NTN1: variants seen among roughly 807,000 people sequenced by gnomAD.
The protein encoded by NTN1 is netrin-1.
In NTN1, 11 loss-of-function variants were observed where a neutral mutation model predicts 54.2. The observed-to-expected ratio is 0.20, with a 90% confidence interval of 0.13 to 0.34. NTN1 has a LOEUF of 0.34. Ranked by LOEUF, NTN1 falls within the 10% of genes least tolerant of loss-of-function variation. The probability of loss-of-function intolerance (pLI) is 1.00; values close to 1 mark genes in which losing one functional copy is unlikely to be tolerated. For missense variants in NTN1, 740 were observed against 893.1 expected (o/e 0.83, Z 2.18); for synonymous variants, 371 against 382.0 (o/e 0.97, Z 0.33).
chr17:9,143,071 G>T (rs2092302879), intron 2 of NTN1, among the ~76,000 whole-genome samples: 1 of 152,224 alleles, frequency 6.6e-6, no homozygotes, highest in Admixed American at 6.5e-5. Context: ...TGGAGGTGAT[G>T]AGGGATGAAG....
chr17:9,240,246 C>T lies in NTN1; in HGVS notation c.*278C>T, dbSNP rs1471027314. On this transcript the variant is annotated 3_prime_UTR_variant, in exon 7 of 7. Transcript: ENST00000173229. ...CGAGACGTAGCTACCTCACGGGGCT[C>T]CTTCCAGAGCAGAGACGCGCTTCCC... 1 of 153,760 alleles carries T rather than the reference C, an allele frequency of 6.5e-6. No homozygotes were observed. Among genetic ancestry groups the T allele is most frequent in the Non-Finnish European group, 1.4e-5 (1 of 69,464 alleles). 9.5% of individuals were successfully genotyped at this position (153,760 alleles called of 1,614,324 possible). A position where few individuals can be genotyped will look rare whatever the true frequency, so the allele number is the denominator to read the frequency against.
intron 2 of NTN1, among the ~76,000 whole-genome samples, chr17:9,121,336 G>T (rs1447477338): frequency 6.6e-6 from 1 of 152,044 alleles, no homozygotes; most frequent in African/African-American, 2.4e-5. Context: ...ATGTGCGGGG[G>T]TAGCTGATTT....
chr17:9,212,352 G>A lies in NTN1; in HGVS notation c.1412-8816G>A, dbSNP rs1374562620. Among the ~76,000 whole-genome samples, 4 of 152,282 alleles carry A rather than the reference G, an allele frequency of 2.6e-5. No homozygotes were observed. Among genetic ancestry groups the A allele is most frequent in the Middle Eastern group, 3.4e-3 (1 of 294 alleles). On this transcript the variant is annotated intron_variant, in intron 5 of 6. Coordinates refer to ENST00000173229, the MANE Select transcript of NTN1 (RefSeq NM_004822.3). This position sits in a 1 kb window ranked among gnomAD's most constrained non-coding sequence, Gnocchi z 5.5. The stretch of plus-strand genomic sequence containing the variant: ...GTCCTCCATTCTCATCATGCCTCGC[G>A]CATGATGGCCCTTATGAAACCCACG...
chr17:9,130,135 G>A (rs533637095), intron 2 of NTN1, among the ~76,000 whole-genome samples: 6 of 152,152 alleles, frequency 3.9e-5, no homozygotes, highest in African/African-American at 1.4e-4. Flanking sequence ...TGGCTGTCTC[G>A]CTGTTTTCTA....
At chr17:9,098,233 G>A (rs1308182651) in intron 2 of NTN1, among the ~76,000 whole-genome samples, 5 of 152,252 alleles carry the variant, frequency 3.3e-5, no homozygotes, top group African/African-American at 9.6e-5. Flanking sequence ...ACCCTGATGC[G>A]CCATATTTGT....
At chr17:9,004,814 GAA>G in the NTN1 span, among the ~76,000 whole-genome samples, 1 of 152,246 alleles carries the variant, frequency 6.6e-6, no homozygotes, top group Non-Finnish European at 1.5e-5. Context: ...TGGGAGAAGA[GAA>G]AGAGCTGTGG....
At chr17:9,143,922 ATTTC>A (rs1284932251) in intron 2 of NTN1, among the ~76,000 whole-genome samples, 1 of 150,000 alleles carries the variant, frequency 6.7e-6, no homozygotes, top group Non-Finnish European at 1.5e-5. Context: ...TTGAGATGGA[ATTTC>A]GCTCTTGTTG....
intron 2 of NTN1, among the ~76,000 whole-genome samples, chr17:9,025,719 A>G (rs1445280908): frequency 6.6e-6 from 1 of 152,220 alleles, no homozygotes; most frequent in Non-Finnish European, 1.5e-5. Context: ...TCATTCTGTA[A>G]AAGAGAAAGA....
At chr17:9,137,980 C>A (rs1235721918) in intron 2 of NTN1, among the ~76,000 whole-genome samples, 1 of 151,982 alleles carries the variant, frequency 6.6e-6, no homozygotes, top group African/African-American at 2.4e-5. Context: ...TCCCGCTGGT[C>A]CAGTCCTGAA....
At chr17:9,129,780 G>T (rs183278977) in intron 2 of NTN1, among the ~76,000 whole-genome samples, 1 of 152,292 alleles carries the variant, frequency 6.6e-6, no homozygotes, top group Admixed American at 6.5e-5. Context: ...GCAGGTGTGA[G>T]CATGTGTGTG....
rs138261013 is a variant in NTN1 at position 9,111,042 on chromosome 17, C to G, written c.1019-51771C>G. Among the ~76,000 whole-genome samples, 1,392 of 146,008 alleles carry G rather than the reference C, an allele frequency of 9.5e-3. 16 individuals carry two copies. The highest frequency in any genetic ancestry group is 0.034 in the African/African-American group (1,336 of 39,182). On this transcript the variant is annotated intron_variant, in intron 2 of 6. Coordinates refer to ENST00000173229, the MANE Select transcript of NTN1 (RefSeq NM_004822.3). ...CTCCAACTCCCTGGTTCAAGTGATT[C>G]TCCTGCTTCAGCCTCCCGAGTAGCT...
Position 9,239,915 on chromosome 17 carries a change from C to T in NTN1, c.1762C>T (p.Arg588Trp), listed in dbSNP as rs1410023585. Residue 588 changes from arginine (R) to tryptophan (W), a missense_variant, in exon 7 of 7, where the codon CGG becomes TGG. Transcript: ENST00000173229. This position sits in a 1 kb window ranked among gnomAD's most constrained non-coding sequence, Gnocchi z 5.2. The stretch of plus-strand genomic sequence containing the variant: ...CCAGTGGCGGGACACGTGGGCGCGG[C>T]GGCTGCGCAAGTTCCAGCAGCGTGA... ...VIQWRDTWAR[R>W]LRKFQQREKK... 3 of 1,370,922 alleles carry T rather than the reference C, an allele frequency of 2.2e-6. No individual in the cohort carries two copies. Among genetic ancestry groups the T allele is most frequent in the African/African-American group, 3.1e-5 (2 of 65,300 alleles). 84.9% of individuals were successfully genotyped at this position (1,370,922 alleles called of 1,614,324 possible).
At chr17:9,099,336 C>T (rs1444989659) in intron 2 of NTN1, among the ~76,000 whole-genome samples, 4 of 152,104 alleles carry the variant, frequency 2.6e-5, no homozygotes, top group African/African-American at 9.7e-5. Context: ...ACCCGGGAGA[C>T]GGAGGTTGCA....
chr17:9,231,765 A>G (rs897163884), intron 6 of NTN1, among the ~76,000 whole-genome samples: 2 of 150,084 alleles, frequency 1.3e-5, no homozygotes, highest in Admixed American at 6.8e-5. Context: ...TGGCTGAAAC[A>G]CCTTCCACAC....
At chr17:9,162,748 C>T (rs902973125) in intron 2 of NTN1, 65 bp from the exon 3 acceptor site, 35 of 1,477,766 alleles carry the variant, frequency 2.4e-5, no homozygotes, top group East Asian at 6.9e-5. Flanking sequence ...TTTCTTTTGA[C>T]GCTCTTGGGT....
chr17:9,130,015 T>A (rs879787955), intron 2 of NTN1, among the ~76,000 whole-genome samples: 6 of 152,240 alleles, frequency 3.9e-5, no homozygotes, highest in East Asian at 1.9e-4. Flanking sequence ...CTTGTTGGCA[T>A]GTTGGTGATA....
At chr17:9,150,890 G>C (rs1053612638) in intron 2 of NTN1, among the ~76,000 whole-genome samples, 2 of 152,234 alleles carry the variant, frequency 1.3e-5, no homozygotes, top group Non-Finnish European at 2.9e-5. Flanking sequence ...GGCACAGCGG[G>C]AGAAAGAACC....
chr17:9,083,489 G>A (rs1315876996), intron 2 of NTN1, among the ~76,000 whole-genome samples: 2 of 152,234 alleles, frequency 1.3e-5, no homozygotes, highest in African/African-American at 4.8e-5. Flanking sequence ...TACAGGAATT[G>A]GTTCAGGAAT....
intron 6 of NTN1, among the ~76,000 whole-genome samples, chr17:9,223,107 C>A (rs1260202512): frequency 6.6e-6 from 1 of 152,206 alleles, no homozygotes; most frequent in African/African-American, 2.4e-5. Flanking sequence ...TTCCTAAAAG[C>A]TGCGTTAAGC....
Sources: gnomAD v4.1 joint callset for allele counts (sites outside exome capture counted in the v4.1 genomes callset) on GRCh38, gnomAD v4.1.1 for gene constraint, Gnocchi (gnomAD v3.1) non-coding constraint, MANE v1.5 for transcripts, NCBI Gene and HGNC (gene_info 2026-07-23, HGNC 2026-07-21) for gene names.